The following LEKR1 variants were observed in gnomAD, a reference collection of about 807,000 sequenced individuals.
LEKR1 encodes the protein leucine, glutamate and lysine rich 1.
In LEKR1, 59 loss-of-function variants were observed where a neutral mutation model predicts 72.4. The observed-to-expected ratio is 0.82, with a 90% CI of 0.66 to 1.01. The LOEUF is 1.01. Ranked by LOEUF, LEKR1 falls within the 50% of genes least tolerant of loss-of-function variation. The probability of loss-of-function intolerance (pLI) is 0.00; values close to 1 mark genes in which losing one functional copy is unlikely to be tolerated. For missense variants in LEKR1, 728 were observed against 759.2 expected, an observed-to-expected ratio of 0.96 and a Z score of 0.48; for synonymous variants, 257 against 263.2, an observed-to-expected ratio of 0.98 and a Z score of 0.23.
intron 3 of LEKR1, among the ~76,000 whole-genome samples, chr3:156,904,023 TG>T (rs747981264): frequency 3.3e-5 from 5 of 152,198 alleles, no homozygotes; most frequent in Non-Finnish European, 5.9e-5. Context: ...TTATATTGGG[TG>T]GCCAAACAGT....
At chr3:156,856,928 G>C (rs1716131959) in intron 3 of LEKR1, among the ~76,000 whole-genome samples, 1 of 151,836 alleles carries the variant, frequency 6.6e-6, no homozygotes, top group African/African-American at 2.4e-5. Flanking sequence ...TATTAAATTA[G>C]ATTGGACCTG....
At chr3:156,867,340 T>C (rs945546168) in intron 3 of LEKR1, among the ~76,000 whole-genome samples, 1 of 152,084 alleles carries the variant, frequency 6.6e-6, no homozygotes, top group Non-Finnish European at 1.5e-5. Context: ...GGAACTGTCC[T>C]AGGACTTATG....
intron 11 of LEKR1, among the ~76,000 whole-genome samples, chr3:157,027,625 T>C (rs184764109): frequency 6.6e-6 from 1 of 152,050 alleles, no homozygotes; most frequent in Non-Finnish European, 1.5e-5. Flanking sequence ...AGACCAGCCA[T>C]GGTAACACAG....
At chr3:156,875,395 G>T (rs1427063772) in intron 3 of LEKR1, among the ~76,000 whole-genome samples, 1 of 152,046 alleles carries the variant, frequency 6.6e-6, no homozygotes, top group Non-Finnish European at 1.5e-5. Flanking sequence ...ATGCTGATTT[G>T]TTTGAATTTC....
chr3:156,883,616 G>T (rs1055687290), intron 3 of LEKR1, among the ~76,000 whole-genome samples: 2 of 152,136 alleles, frequency 1.3e-5, no homozygotes, highest in East Asian at 3.9e-4. Flanking sequence ...CCCCCATACT[G>T]TTCTCATGGT....
In LEKR1 at chr3:157,035,988, T is replaced by G. The variant is rs189129884; in HGVS notation, c.1668+7586T>G. On this transcript the variant is annotated intron_variant, in intron 12 of 12. Coordinates refer to ENST00000356539, the MANE Select transcript of LEKR1 (RefSeq NM_001004316.3). Reference sequence around the variant, plus strand: ...TATATCCATGTTCAGTCTACCTACTTAGAAGGATATCAGCCAATAAACTGT... The same window carrying G: ...TATATCCATGTTCAGTCTACCTACTGAGAAGGATATCAGCCAATAAACTGT... Among the ~76,000 whole-genome samples, 16 of 152,284 alleles carry G rather than the reference T, an allele frequency of 1.1e-4. No homozygotes were observed. The East Asian group carries it at 3.1e-3, about 29-fold the overall frequency.
At chr3:157,029,958 C>A (rs1162438699) in intron 12 of LEKR1, among the ~76,000 whole-genome samples, 1 of 152,150 alleles carries the variant, frequency 6.6e-6, no homozygotes, top group Non-Finnish European at 1.5e-5. Context: ...ATATTAGCAT[C>A]TGTGTTACTC....
chr3:156,872,168 T>A (rs1718031241), intron 3 of LEKR1, among the ~76,000 whole-genome samples: 1 of 152,050 alleles, frequency 6.6e-6, no homozygotes, highest in African/African-American at 2.4e-5. Flanking sequence ...AATTCAATTT[T>A]GGGAGGTTGT....
chr3:156,994,111 GTTAT>G (rs1324743447), intron 9 of LEKR1, among the ~76,000 whole-genome samples: 5 of 151,898 alleles, frequency 3.3e-5, no homozygotes, highest in Admixed American at 2.0e-4. Context: ...CACATGATAG[GTTAT>G]TTGTTTTTCA....
chr3:156,944,254 T>G (rs1314606934), intron 6 of LEKR1, among the ~76,000 whole-genome samples: 1 of 151,734 alleles, frequency 6.6e-6, no homozygotes, highest in African/African-American at 2.4e-5. Flanking sequence ...GTCAGCTATT[T>G]GAAATTTTTT....
At chr3:156,858,788 A>G (rs949154131) in intron 3 of LEKR1, among the ~76,000 whole-genome samples, 2 of 152,152 alleles carry the variant, frequency 1.3e-5, no homozygotes, top group African/African-American at 4.8e-5. Context: ...TTTCTAATAA[A>G]TAAATTTAAA....
intron 5 of LEKR1, among the ~76,000 whole-genome samples, chr3:156,928,120 T>A (rs2108575734): frequency 6.6e-6 from 1 of 151,976 alleles, no homozygotes; most frequent in South Asian, 2.1e-4. Flanking sequence ...AGTAAAACAA[T>A]CAGTGGTTGC....
intron 11 of LEKR1, among the ~76,000 whole-genome samples, chr3:157,026,773 A>G (rs1213102028): frequency 1.3e-5 from 2 of 152,230 alleles, no homozygotes; most frequent in African/African-American, 4.8e-5. Context: ...TATTTATAAC[A>G]TGACAATAAT....
chr3:156,874,371 T>A (rs1402450336), intron 3 of LEKR1, among the ~76,000 whole-genome samples: 1 of 152,138 alleles, frequency 6.6e-6, no homozygotes, highest in African/African-American at 2.4e-5. Flanking sequence ...TTGTTTCATA[T>A]GCTTATCAGT....
chr3:156,892,319 G>C (rs1720748356), intron 3 of LEKR1, among the ~76,000 whole-genome samples: 1 of 152,120 alleles, frequency 6.6e-6, no homozygotes, highest in Middle Eastern at 3.2e-3. Flanking sequence ...GGACTCAATG[G>C]GAGGACAGAT....
chr3:156,969,807 G>A (rs1728993514), intron 6 of LEKR1, among the ~76,000 whole-genome samples: 1 of 152,130 alleles, frequency 6.6e-6, no homozygotes, highest in African/African-American at 2.4e-5. Context: ...AAGCCTGGCA[G>A]AGACACAACA....
At chr3:156,851,551 C>T (rs2108537424) in intron 2 of LEKR1, among the ~76,000 whole-genome samples, 1 of 152,202 alleles carries the variant, frequency 6.6e-6, no homozygotes, top group South Asian at 2.1e-4. Flanking sequence ...TAAATCTATA[C>T]ATTTTATATA....
chr3:156,861,813 G>T (rs1377717550), intron 3 of LEKR1, among the ~76,000 whole-genome samples: 1 of 151,996 alleles, frequency 6.6e-6, no homozygotes, highest in East Asian at 1.9e-4. Flanking sequence ...ACCTAAACAA[G>T]CTTATTTATA....
intron 2 of LEKR1, chr3:156,852,254 G>C (rs1715456476): frequency 6.6e-6 from 1 of 152,208 alleles, no homozygotes; most frequent in Non-Finnish European, 1.5e-5. Context: ...TTTCCTATTT[G>C]TAGATTTATG....
Sources: allele counts gnomAD v4.1 joint callset (sites outside exome capture counted in the v4.1 genomes callset), GRCh38; gene constraint gnomAD v4.1.1; transcripts MANE v1.5; gene names NCBI Gene and HGNC (gene_info 2026-07-23, HGNC 2026-07-21).